The following STXBP5L variants were observed in gnomAD, a reference collection of about 807,000 sequenced individuals.
The protein encoded by STXBP5L is syntaxin-binding protein 5-like.
In STXBP5L, 65 loss-of-function variants were observed where a neutral mutation model predicts 144.5. That is an observed-to-expected ratio of 0.45 (90% CI 0.37 to 0.55). The LOEUF is 0.55. Among genes scored for constraint, STXBP5L ranks in the 20% least tolerant of loss-of-function variants. The pLI is 0.00. For synonymous variants in STXBP5L, 505 were observed against 469.6 expected, an observed-to-expected ratio of 1.08 and a Z score of -0.97; for missense variants, 1,298 against 1,405.5, an observed-to-expected ratio of 0.92 and a Z score of 1.22.
intron 7 of STXBP5L, among the ~76,000 whole-genome samples, chr3:121,135,377 A>T (rs559032673): frequency 1.3e-5 from 2 of 152,288 alleles, no homozygotes; most frequent in East Asian, 3.9e-4. Context: ...GGAGACATTC[A>T]AACCATAGCA....
rs371034291 is a variant in STXBP5L, at chr3:121,381,400, C to A, written c.2455C>A (p.Arg819=). ...TALYFMDSFA[R]KNDSTISPCL... ...ACTATACTTCATGGACTCCTTTGCA[C>A]GGAAAAATGACTCTACCATCTCTCC... The change falls in exon 22 of 27, where the codon CGG becomes AGG. Residue 819 remains arginine, a synonymous_variant. Coordinates refer to ENST00000471454, the MANE Select transcript of STXBP5L (RefSeq NM_001308330.2). The A allele has an allele frequency of 7.7e-5, 124 of 1,610,338 alleles. No homozygotes were observed. The highest frequency in any genetic ancestry group is 1.0e-4 in the Non-Finnish European group (122 of 1,178,734).
In STXBP5L at chr3:121,106,895, G is replaced by A. The variant is rs565819171; in HGVS notation, c.471-8030G>A. On this transcript the variant is annotated intron_variant, in intron 5 of 26. Coordinates refer to ENST00000471454, the MANE Select transcript of STXBP5L (RefSeq NM_001308330.2). Reference sequence around the variant, plus strand: ...AGCATTCTTATTTCTCCACAGCCTCGCCAGCATCTGTTGTTTCTTGACTTT... The same window carrying A: ...AGCATTCTTATTTCTCCACAGCCTCACCAGCATCTGTTGTTTCTTGACTTT... 1.6e-4 allele frequency among the ~76,000 whole-genome samples: 24 copies of A among 152,046 alleles called. No individual in the cohort carries two copies. In the East Asian group the frequency reaches 2.9e-3, roughly 18 times the overall value.
chr3:121,313,295 G>A (rs1330351839), intron 19 of STXBP5L, among the ~76,000 whole-genome samples: 2 of 143,052 alleles, frequency 1.4e-5, no homozygotes, highest in Non-Finnish European at 3.1e-5. Flanking sequence ...GGGCGGCTGG[G>A]CAGAGGCGCC....
intron 3 of STXBP5L, among the ~76,000 whole-genome samples, chr3:121,019,789 G>T (rs1433909181): frequency 6.6e-6 from 1 of 152,170 alleles, no homozygotes; most frequent in Non-Finnish European, 1.5e-5. Flanking sequence ...TTGAGTCCCA[G>T]ATCTTCCCAC....
At chr3:121,029,993 A>T (rs1182251120) in intron 3 of STXBP5L, among the ~76,000 whole-genome samples, 3 of 152,202 alleles carry the variant, frequency 2.0e-5, no homozygotes, top group Non-Finnish European at 4.4e-5. Context: ...ATCTCATGCC[A>T]GTTACAATGG....
rs757351395 is a variant in STXBP5L at position 121,418,454 on chromosome 3, C to T, written c.3344C>T (p.Ala1115Val). Residue 1115 changes from alanine to valine, a missense_variant, in exon 26 of 27, where the codon GCA becomes GTA. Ala to Val is a moderately conservative substitution (Grantham distance 64). Coordinates refer to ENST00000471454, the MANE Select transcript of STXBP5L (RefSeq NM_001308330.2). Reference protein sequence around the residue: ...AGGVMGELTRARIALDERGQR... With the variant: ...AGGVMGELTRVRIALDERGQR... ...GGGGTGATGGGAGAGCTGACCCGTG[C>T]ACGGATTGCACTTGATGAAAGAGGA... 31 of 1,614,064 alleles carry T rather than the reference C, an allele frequency of 1.9e-5. No homozygotes were observed. Among genetic ancestry groups the T allele is most frequent in the Non-Finnish European group, 2.4e-5 (28 of 1,179,978 alleles).
intron 5 of STXBP5L, among the ~76,000 whole-genome samples, chr3:121,069,941 T>A (rs2041730519): frequency 6.6e-6 from 1 of 152,246 alleles, no homozygotes; most frequent in Admixed American, 6.5e-5. Context: ...TAATGCTATG[T>A]ACTTTCCTCT....
chr3:121,244,799 A>G lies in STXBP5L; in HGVS notation c.1400+4292A>G, dbSNP rs541331931. Among the ~76,000 whole-genome samples the G allele has an allele frequency of 5.9e-5, 9 of 152,262 alleles. 1 individual carries two copies. The highest frequency in any genetic ancestry group is 1.9e-4 in the African/African-American group (8 of 41,570). On this transcript the variant is annotated intron_variant, in intron 14 of 26. Coordinates refer to ENST00000471454, the MANE Select transcript of STXBP5L (RefSeq NM_001308330.2). ...TAATATACTCAAAGTGCTGAAAGAAAAAAAACCCCACCAACTTAGAATGCT... is the reference window on the plus strand; with the variant it reads ...TAATATACTCAAAGTGCTGAAAGAAGAAAAACCCCACCAACTTAGAATGCT...
At chr3:121,009,310 C>T (rs1390660625) in intron 3 of STXBP5L, among the ~76,000 whole-genome samples, 2 of 151,958 alleles carry the variant, frequency 1.3e-5, no homozygotes, top group African/African-American at 4.8e-5. Context: ...GCTTCTTCCC[C>T]CTCTTGGTCT....
intron 9 of STXBP5L, among the ~76,000 whole-genome samples, chr3:121,180,813 C>T (rs1472578932): frequency 1.3e-5 from 2 of 152,066 alleles, no homozygotes; most frequent in African/African-American, 2.4e-5. Context: ...GGTGCGGTTG[C>T]AGTGAGCCAA....
At chr3:121,203,624 T>C (rs2048223526) in intron 9 of STXBP5L, among the ~76,000 whole-genome samples, 1 of 152,080 alleles carries the variant, frequency 6.6e-6, no homozygotes, top group South Asian at 2.1e-4. Context: ...AAAAATTCTC[T>C]CCCAAGAATA....
intron 3 of STXBP5L, among the ~76,000 whole-genome samples, chr3:120,976,347 A>T (rs1941011864): frequency 1.3e-5 from 2 of 152,172 alleles, no homozygotes; most frequent in African/African-American, 4.8e-5. Flanking sequence ...TGTTTGTAGT[A>T]TTCTCTGATA....
intron 5 of STXBP5L, among the ~76,000 whole-genome samples, chr3:121,097,309 G>A (rs1172766965): frequency 6.6e-6 from 1 of 152,124 alleles, no homozygotes; most frequent in Non-Finnish European, 1.5e-5. Flanking sequence ...CCCTTTCCAG[G>A]GGAGTGAACG....
At chr3:121,114,791 A>G (rs371293757) in intron 5 of STXBP5L, 134 bp from the exon 6 acceptor site, 45 of 489,248 alleles carry the variant, frequency 9.2e-5, no homozygotes, top group African/African-American at 9.1e-4. Context: ...TCAATGAATA[A>G]CTACATGCTA....
chr3:121,317,861 T>C (rs1218838287), intron 19 of STXBP5L, among the ~76,000 whole-genome samples: 6 of 152,034 alleles, frequency 3.9e-5, no homozygotes, highest in African/African-American at 1.4e-4. Context: ...CAGTATGTAA[T>C]ATACAATACT....
chr3:121,398,358 A>G (rs901909975), intron 22 of STXBP5L, among the ~76,000 whole-genome samples: 1 of 152,202 alleles, frequency 6.6e-6, no homozygotes, highest in Non-Finnish European at 1.5e-5. Flanking sequence ...GCATAAATCT[A>G]CTGCGGCACT....
At chr3:121,137,170 C>T (rs1299529911) in intron 7 of STXBP5L, among the ~76,000 whole-genome samples, 2 of 152,026 alleles carry the variant, frequency 1.3e-5, no homozygotes, top group Non-Finnish European at 2.9e-5. Context: ...TACACCAAAC[C>T]CTGATAACAT....
chr3:120,912,085 A>G (rs1466885428), intron 2 of STXBP5L, among the ~76,000 whole-genome samples: 1 of 151,862 alleles, frequency 6.6e-6, no homozygotes, highest in East Asian at 1.9e-4. Context: ...CATCCCCTCT[A>G]TTCTATTTCC....
intron 10 of STXBP5L, among the ~76,000 whole-genome samples, chr3:121,210,889 G>C (rs2048536139): frequency 6.6e-6 from 1 of 152,070 alleles, no homozygotes; most frequent in African/African-American, 2.4e-5. Context: ...TGTTCTTTTG[G>C]CTTAGGATTG....
Sources: gnomAD v4.1 joint callset for allele counts (sites outside exome capture counted in the v4.1 genomes callset) on GRCh38, gnomAD v4.1.1 for gene constraint, MANE v1.5 for transcripts, NCBI Gene and HGNC (gene_info 2026-07-23, HGNC 2026-07-21) for gene names.